The following KCNH7 variants were observed in gnomAD, a reference collection of about 807,000 sequenced individuals.
KCNH7 encodes voltage-gated inwardly rectifying potassium channel KCNH7.
A neutral mutation model predicts 120.8 loss-of-function variants in KCNH7; 49 were observed. That is an observed-to-expected ratio of 0.41 (90% CI 0.32 to 0.51). The LOEUF (loss-of-function observed/expected upper bound fraction) is 0.51. Ranked by LOEUF, KCNH7 falls within the 20% of genes least tolerant of loss-of-function variation. The pLI, the probability that KCNH7 is intolerant of heterozygous loss-of-function variation, is 0.38. For missense variants in KCNH7, 1,097 were observed against 1,446.6 expected (o/e 0.76, Z 3.92); for synonymous variants, 547 against 516.1 (o/e 1.06, Z -0.81).
intron 2 of KCNH7, among the ~76,000 whole-genome samples, chr2:162,556,965 C>A (rs1035093621): frequency 2.6e-5 from 4 of 152,186 alleles, no homozygotes; most frequent in African/African-American, 9.7e-5. Context: ...AAAAGTCTTG[C>A]AGCAGATCAG....
intron 2 of KCNH7, among the ~76,000 whole-genome samples, chr2:162,692,707 G>T (rs1686156114): frequency 6.6e-6 from 1 of 152,104 alleles, no homozygotes; most frequent in African/African-American, 2.4e-5. Context: ...TAAGGGTTGA[G>T]AAAAGTTCAT....
At chr2:162,748,621 T>A (rs930635303) in intron 2 of KCNH7, among the ~76,000 whole-genome samples, 6 of 152,148 alleles carry the variant, frequency 3.9e-5, no homozygotes, top group African/African-American at 1.4e-4. Flanking sequence ...TTATAAGTGT[T>A]TTTCTTCCAA....
intron 2 of KCNH7, among the ~76,000 whole-genome samples, chr2:162,557,636 T>C (rs898620027): frequency 3.9e-5 from 6 of 152,178 alleles, no homozygotes; most frequent in African/African-American, 1.2e-4. Flanking sequence ...TATGATGTCA[T>C]TAACAGGGAA....
chr2:162,373,780 G>T (rs571387918), intron 14 of KCNH7, 118 bp from the exon 15 acceptor site: 2 of 537,528 alleles, frequency 3.7e-6, no homozygotes, highest in South Asian at 1.0e-4. Flanking sequence ...TAAACAAGAA[G>T]GACAGGAGAG....
At chr2:162,681,442 T>A (rs1435704246) in intron 2 of KCNH7, among the ~76,000 whole-genome samples, 1 of 151,770 alleles carries the variant, frequency 6.6e-6, no homozygotes, top group Non-Finnish European at 1.5e-5. Context: ...TCATTTGTGA[T>A]AATTCAGAAA....
intron 2 of KCNH7, among the ~76,000 whole-genome samples, chr2:162,826,323 A>T (rs1052713122): frequency 6.6e-6 from 1 of 152,100 alleles, no homozygotes; most frequent in Admixed American, 6.6e-5. Context: ...TATTATTATG[A>T]GAACATGTAG....
chr2:162,446,146 T>A lies in KCNH7; in HGVS notation c.1426A>T (p.Asn476Tyr). ...ILINFRTTYVNQNEEVVSDPA... is the reference protein window; with the variant it reads ...ILINFRTTYVYQNEEVVSDPA... ...TCACTTACCACTTCTTCATTCTGAT[T>A]TACATATGTTGTTCTGAAGTTTATT... The change falls in exon 7 of 16, where the codon AAT (asparagine) becomes TAT (tyrosine). Residue 476 changes from asparagine to tyrosine, a missense_variant. Coordinates refer to ENST00000332142, the MANE Select transcript of KCNH7 (RefSeq NM_033272.4). The A allele has an allele frequency of 6.2e-7, 1 of 1,613,822 alleles. No individual in the cohort carries two copies. Among genetic ancestry groups the A allele is most frequent in the South Asian group, 1.1e-5 (1 of 91,068 alleles).
intron 6 of KCNH7, 68 bp from the exon 7 acceptor site, chr2:162,446,511 T>C: frequency 2.6e-6 from 3 of 1,158,234 alleles, no homozygotes; most frequent in Non-Finnish European, 3.6e-6. Context: ...ACCTATCAAA[T>C]ATTAAGGGAA....
chr2:162,684,940 A>G (rs958819806), intron 2 of KCNH7, among the ~76,000 whole-genome samples: 2 of 152,166 alleles, frequency 1.3e-5, no homozygotes, highest in Non-Finnish European at 2.9e-5. Context: ...AAAGACTTGG[A>G]GCCAACCCAA....
intron 8 of KCNH7, among the ~76,000 whole-genome samples, chr2:162,425,312 C>T (rs899493314): frequency 1.3e-5 from 2 of 151,974 alleles, no homozygotes; most frequent in African/African-American, 4.8e-5. Context: ...ATCTACCTAT[C>T]TTTTGGTTCT....
intron 13 of KCNH7, among the ~76,000 whole-genome samples, chr2:162,381,344 T>C (rs1217289339): frequency 1.3e-5 from 2 of 152,118 alleles, no homozygotes; most frequent in Non-Finnish European, 2.9e-5. Flanking sequence ...GGATTAGCTA[T>C]GATTTTAGAA....
At position 162,373,547 on chromosome 2, in the gene KCNH7, G is replaced by A; in HGVS notation, c.3247C>T (p.Pro1083Ser). The change falls in exon 15 of 16, where the codon CCC (proline) becomes TCC (serine). Residue 1083 changes from proline to serine, a missense_variant. Around this residue, in one of 8 missense-constraint regions of KCNH7, gnomAD observed 406 missense variants for 410.5 expected, o/e 0.99. Coordinates refer to ENST00000332142, the MANE Select transcript of KCNH7 (RefSeq NM_033272.4). ...MVTAGSEYQR[P>S]IIQLMRTSQP... is the part of the protein sequence containing the mutation. ...CTGGTTCTCATCAGCTGGATGATGG[G>A]TCTCTGATATTCTGATCCTGCTGTT... The A allele has an allele frequency of 1.3e-6, 2 of 1,592,532 alleles. No homozygotes were observed. The highest frequency in any genetic ancestry group is 1.7e-6 in the Non-Finnish European group (2 of 1,169,456).
chr2:162,497,902 T>C (rs1364540479), intron 6 of KCNH7, among the ~76,000 whole-genome samples: 3 of 152,184 alleles, frequency 2.0e-5, no homozygotes, highest in Non-Finnish European at 4.4e-5. Flanking sequence ...TATACTTACA[T>C]GAATCCTAAA....
intron 7 of KCNH7, among the ~76,000 whole-genome samples, chr2:162,444,094 A>G (rs1364975690): frequency 6.6e-6 from 1 of 152,096 alleles, no homozygotes; most frequent in African/African-American, 2.4e-5. Flanking sequence ...TCTCTATCAC[A>G]TCCACCTGCT....
chr2:162,510,350 G>A (rs778968441), intron 5 of KCNH7, among the ~76,000 whole-genome samples: 55 of 151,624 alleles, frequency 3.6e-4, no homozygotes, highest in Non-Finnish European at 6.4e-4. Flanking sequence ...ATGATTAGCA[G>A]TAGTCAGCTA....
intron 2 of KCNH7, among the ~76,000 whole-genome samples, chr2:162,639,465 G>A (rs1263834649): frequency 1.3e-5 from 2 of 152,052 alleles, no homozygotes; most frequent in Non-Finnish European, 2.9e-5. Context: ...ATCGAGTGAG[G>A]AATCATAGCT....
intron 2 of KCNH7, among the ~76,000 whole-genome samples, chr2:162,734,810 C>G (rs1023155922): frequency 3.9e-5 from 6 of 151,958 alleles, no homozygotes; most frequent in South Asian, 2.1e-4. Flanking sequence ...CATCTGATTA[C>G]TTGACAGTGA....
At chr2:162,806,849 T>A (rs72875474) in intron 2 of KCNH7, among the ~76,000 whole-genome samples, 12,132 of 151,884 alleles carry the variant, frequency 0.08, 571 homozygotes, top group South Asian at 0.16. Flanking sequence ...AATTTTTTTT[T>A]AAAAAAAGAT....
At chr2:162,455,510 T>C (rs780485287) in intron 6 of KCNH7, among the ~76,000 whole-genome samples, 1 of 152,246 alleles carries the variant, frequency 6.6e-6, no homozygotes, top group East Asian at 1.9e-4. Context: ...TCAGAAGGAA[T>C]AGTACCAGCT....
Sources: gnomAD v4.1 joint callset for allele counts (sites outside exome capture counted in the v4.1 genomes callset) on GRCh38, gnomAD v4.1.1 for gene constraint, gnomAD v4.1.1 regional missense constraint, MANE v1.5 for transcripts, NCBI Gene and HGNC (gene_info 2026-07-23, HGNC 2026-07-21) for gene names.